Variants in WDR45B observed in about 807,000 individuals in gnomAD.
WDR45B encodes the protein WD repeat domain phosphoinositide-interacting protein 3.
In WDR45B, 20 loss-of-function variants were observed where a neutral mutation model predicts 44.6. That is an observed-to-expected ratio of 0.45 (90% CI 0.32 to 0.65). WDR45B has a LOEUF of 0.65. Among genes scored for constraint, WDR45B ranks in the 30% least tolerant of loss-of-function variants. The pLI, the probability that WDR45B is intolerant of heterozygous loss-of-function variation, is 0.05. For synonymous variants in WDR45B, 169 were observed against 164.9 expected (o/e 1.02, Z -0.19); for missense variants, 323 against 430.2 (o/e 0.75, Z 2.20).
chr17:82,646,060 G>A (rs527672626), intron 1 of WDR45B, among the ~76,000 whole-genome samples: 1 of 151,834 alleles, frequency 6.6e-6, no homozygotes, highest in African/African-American at 2.4e-5. Context: ...GGCAGAGGTT[G>A]CAGTGAGCTG....
intron 3 of WDR45B, chr17:82,629,644 A>G: frequency 1.0e-6 from 1 of 985,446 alleles, no homozygotes; most frequent in South Asian, 4.7e-5. Context: ...TCCAAAACAA[A>G]AATAAATGTA....
chr17:82,615,953 G>A lies in WDR45B; in HGVS notation c.1001C>T (p.Ala334Val), dbSNP rs748362948. 2.2e-5 allele frequency: 35 copies of A among 1,613,592 alleles called. No individual in the cohort carries two copies. Among genetic ancestry groups the A allele is most frequent in the South Asian group, 9.9e-5 (9 of 91,042 alleles). ...PKGECIRDVY[A>V]QFLEMTDDKL ...GTCATCGGTCATCTCTAGAAACTGC[G>A]CGTAGACATCTCGGATGCACTCCCC... The change falls in exon 10 of 10, where the codon GCG becomes GTG. Residue 334 changes from alanine (A) to valine (V), a missense_variant. Ala to Val is a moderately conservative substitution (Grantham distance 64). Coordinates refer to ENST00000392325, the MANE Select transcript of WDR45B (RefSeq NM_019613.4).
At chr17:82,623,230 T>C (rs139897495) in intron 5 of WDR45B, among the ~76,000 whole-genome samples, 3,535 of 149,726 alleles carry the variant, frequency 0.024, 145 homozygotes, top group African/African-American at 0.082. Flanking sequence ...CTACTAAAAA[T>C]ACAGAAATTA....
At position 82,639,258 on chromosome 17, in the gene WDR45B, G is replaced by A. The variant is rs552200855; in HGVS notation, c.142+4691C>T. On this transcript the variant is annotated intron_variant, in intron 2 of 9. Coordinates refer to ENST00000392325, the MANE Select transcript of WDR45B (RefSeq NM_019613.4). ...TCAGATTGGTCTCGGCATTCTTACC[G>A]CATGAAGCACCATTTTGAGGATGTG... 6.4e-4 allele frequency among the ~76,000 whole-genome samples: 97 copies of A among 151,918 alleles called. 1 individual carries two copies. Among genetic ancestry groups the A allele is most frequent in the African/African-American group, 2.2e-3 (90 of 41,258 alleles).
At chr17:82,621,588 C>T (rs1054401330) in intron 6 of WDR45B, 21 bp downstream of exon 6, 6 of 1,613,852 alleles carry the variant, frequency 3.7e-6, no homozygotes, top group Non-Finnish European at 5.1e-6. Context: ...ACAACACCAA[C>T]AAGGTGAGTG....
At chr17:82,646,014 G>A (rs1275777490) in intron 1 of WDR45B, among the ~76,000 whole-genome samples, 4 of 151,794 alleles carry the variant, frequency 2.6e-5, no homozygotes, top group Non-Finnish European at 4.4e-5. Context: ...CCAACTACTC[G>A]GGAGCCTGAG....
At position 82,627,243 on chromosome 17, in the gene WDR45B, A is replaced by T; in HGVS notation, c.293T>A (p.Phe98Tyr). The T allele has an allele frequency of 1.2e-6, 2 of 1,613,880 alleles. No homozygotes were observed. Among genetic ancestry groups the T allele is most frequent in the Non-Finnish European group, 1.7e-6 (2 of 1,179,998 alleles). Residue 98 changes from phenylalanine to tyrosine, a missense_variant, in exon 4 of 10, where the codon TTT becomes TAT. Phe to Tyr is a conservative substitution (Grantham distance 22). Transcript: ENST00000392325. ...CTTGACTGCCTTGACTTCTGTAGAA[A>T]ATTCTATTTCAATAACAGTCTTCTT... ...LKKKTVIEIE[F>Y]STEVKAVKLR...
At chr17:82,641,787 A>G (rs140877400) in intron 2 of WDR45B, among the ~76,000 whole-genome samples, 4,943 of 152,016 alleles carry the variant, frequency 0.033, 262 homozygotes, top group African/African-American at 0.11. Context: ...AATCCCAGCT[A>G]CTCGGGAGGC....
At chr17:82,616,467 G>A in intron 9 of WDR45B, 57 bp downstream of exon 9, 1 of 1,611,904 alleles carries the variant, frequency 6.2e-7, no homozygotes, top group Non-Finnish European at 8.5e-7. Context: ...CTGACGCTCA[G>A]TGGATGGAGC....
intron 5 of WDR45B, 33 bp from the exon 6 acceptor site, chr17:82,621,832 T>G: frequency 6.2e-7 from 1 of 1,611,152 alleles, no homozygotes. Flanking sequence ...AATCAAGAAC[T>G]GCCTTTGATT....
intron 3 of WDR45B, chr17:82,629,649 A>T: frequency 1.0e-6 from 1 of 985,426 alleles, no homozygotes; most frequent in Non-Finnish European, 1.2e-6. Flanking sequence ...AACAAAAATA[A>T]ATGTATCAGG....
At chr17:82,642,204 C>T (rs1203819909) in intron 2 of WDR45B, among the ~76,000 whole-genome samples, 1 of 152,108 alleles carries the variant, frequency 6.6e-6, no homozygotes, top group African/African-American at 2.4e-5. Context: ...AACCAGGCTG[C>T]ACAGCAGGAC....
intron 2 of WDR45B, among the ~76,000 whole-genome samples, chr17:82,642,365 G>A (rs781273329): frequency 6.6e-6 from 1 of 152,218 alleles, no homozygotes; most frequent in Non-Finnish European, 1.5e-5. Flanking sequence ...AATGCCTGAT[G>A]ATCTGAGTGG....
intron 2 of WDR45B, among the ~76,000 whole-genome samples, chr17:82,640,187 G>A (rs1362927942): frequency 6.6e-6 from 1 of 152,106 alleles, no homozygotes; most frequent in Non-Finnish European, 1.5e-5. Flanking sequence ...AGAGCCCACA[G>A]TCTCCTTACT....
At chr17:82,620,479 C>T (rs1046678010) in intron 6 of WDR45B, among the ~76,000 whole-genome samples, 3 of 152,120 alleles carry the variant, frequency 2.0e-5, no homozygotes, top group Non-Finnish European at 2.9e-5. Context: ...AATAACTAAA[C>T]CTGTTCTCAG....
In WDR45B at chr17:82,615,273, C is replaced by G. The variant is rs2045515886; in HGVS notation, c.*646G>C. On this transcript the variant is annotated 3_prime_UTR_variant, in exon 10 of 10. Transcript: ENST00000392325. ...AATGGCCCCAACGGAGACGGGGACG[C>G]CACGCACGGGCACAGGTGACGTCAC... 1 of 156,214 alleles carries G rather than the reference C, an allele frequency of 6.4e-6. No individual in the cohort carries two copies. Among genetic ancestry groups the G allele is most frequent in the Admixed American group, 6.1e-5 (1 of 16,376 alleles). The allele number at this position is 156,214 out of a possible 1,614,324, so 9.7% of individuals were successfully genotyped here.
intron 2 of WDR45B, among the ~76,000 whole-genome samples, chr17:82,640,070 C>T (rs918261624): frequency 2.2e-5 from 3 of 138,066 alleles, no homozygotes; most frequent in South Asian, 2.4e-4. Context: ...GACAACACTG[C>T]CCCCCAAGAC....
At position 82,648,403 on chromosome 17, in the gene WDR45B, T is replaced by G; in HGVS notation, c.-63A>C. The G allele has an allele frequency of 1.9e-6, 3 of 1,572,976 alleles. No individual in the cohort carries two copies. The South Asian group carries it at 3.4e-5, about 18-fold the overall frequency. On this transcript the variant is annotated 5_prime_UTR_variant, in exon 1 of 10. Transcript: ENST00000392325. Reference sequence around the variant, plus strand: ...ATGCCTCTCGCTGGGGACGGCGGCCTGGTCCCTTCGGGCCGGCGCTGAGGC... The same window carrying G: ...ATGCCTCTCGCTGGGGACGGCGGCCGGGTCCCTTCGGGCCGGCGCTGAGGC...
rs538616833 is a variant in WDR45B, at chr17:82,631,040, A to G, written c.143-18T>C. 1.0e-5 allele frequency: 16 copies of G among 1,604,364 alleles called. No individual in the cohort carries two copies. In the East Asian group the frequency reaches 3.3e-4, roughly 34 times the overall value. On this transcript the variant is annotated intron_variant, in intron 2 of 9. Transcript: ENST00000392325. ...TAGAAATTCTGAAATGATAGTTTTA[A>G]AAAGACCAATGTTACAAGTTAATAT...
Sources: gnomAD v4.1 joint callset for allele counts (sites outside exome capture counted in the v4.1 genomes callset) on GRCh38, gnomAD v4.1.1 for gene constraint, MANE v1.5 for transcripts, NCBI Gene and HGNC (gene_info 2026-07-23, HGNC 2026-07-21) for gene names.